BRD10: variants seen among roughly 807,000 people sequenced by gnomAD.
BRD10 encodes the protein uncharacterized bromodomain-containing protein 10.
chr9:5,903,133 T>G, the BRD10 span, among the ~76,000 whole-genome samples: 1 of 152,256 alleles, frequency 6.6e-6, no homozygotes, highest in East Asian at 1.9e-4. Context: ...TGGGAATTTT[T>G]CAGTTATCTT....
At chr9:5,944,778 C>T in the BRD10 span, 1 of 536,254 alleles carries the variant, frequency 1.9e-6, no homozygotes, top group South Asian at 3.7e-5. Context: ...TCATGTAATC[C>T]AGGAAAACAA....
the BRD10 span, among the ~76,000 whole-genome samples, chr9:5,888,317 CTG>C: frequency 1.3e-5 from 2 of 152,200 alleles, no homozygotes; most frequent in African/African-American, 4.8e-5. Flanking sequence ...GCAAAAGTAA[CTG>C]TGATTTTTGC....
At chr9:5,891,190 C>T in the BRD10 span, 1 of 152,180 alleles carries the variant, frequency 6.6e-6, no homozygotes, top group Non-Finnish European at 1.5e-5. Context: ...GGAGAAGCAG[C>T]CTCCCTGAGG....
the BRD10 span, among the ~76,000 whole-genome samples, chr9:5,892,191 C>G: frequency 6.6e-6 from 1 of 152,154 alleles, no homozygotes; most frequent in Non-Finnish European, 1.5e-5. Flanking sequence ...ACTCAACTTG[C>G]AAGTCTTTTT....
the BRD10 span, among the ~76,000 whole-genome samples, chr9:5,986,241 G>C: frequency 7.9e-5 from 12 of 152,154 alleles, no homozygotes; most frequent in African/African-American, 2.9e-4. Flanking sequence ...TTCTGTTCCT[G>C]TGTTAGTTTG....
chr9:5,903,159 G>A, the BRD10 span, among the ~76,000 whole-genome samples: 2 of 152,078 alleles, frequency 1.3e-5, no homozygotes, highest in African/African-American at 4.8e-5. Context: ...ATTGATTTCT[G>A]CTTTAATTCT....
chr9:5,934,346 T>C, the BRD10 span, among the ~76,000 whole-genome samples: 1 of 149,994 alleles, frequency 6.7e-6, no homozygotes, highest in Non-Finnish European at 1.5e-5. Flanking sequence ...AATATCAATA[T>C]ATTACGCTTT....
At chr9:5,951,639 G>A in the BRD10 span, among the ~76,000 whole-genome samples, 8 of 152,164 alleles carry the variant, frequency 5.3e-5, no homozygotes, top group Non-Finnish European at 1.2e-4. Context: ...GAACTTTTGG[G>A]CAGGGAATGA....
At chr9:5,920,086 A>T in the BRD10 span, 1 of 1,613,950 alleles carries the variant, frequency 6.2e-7, no homozygotes, top group Non-Finnish European at 8.5e-7. Context: ...TTGCATTCCC[A>T]AAAGAGTTTA....
the BRD10 span, among the ~76,000 whole-genome samples, chr9:5,958,392 T>C: frequency 1.3e-5 from 2 of 152,188 alleles, no homozygotes; most frequent in East Asian, 3.9e-4. Flanking sequence ...CCTTTCTCAG[T>C]TTCTTATTCC....
chr9:5,927,857 T>C, the BRD10 span, among the ~76,000 whole-genome samples: 4 of 151,784 alleles, frequency 2.6e-5, no homozygotes, highest in African/African-American at 7.2e-5. Flanking sequence ...TCTATGCTCA[T>C]ATACTAAGTG....
chr9:5,932,833 G>T, the BRD10 span, among the ~76,000 whole-genome samples: 5 of 152,100 alleles, frequency 3.3e-5, no homozygotes, highest in African/African-American at 1.2e-4. Flanking sequence ...AGATTATCTT[G>T]TGTAAGTACC....
At chr9:5,975,479 G>A in the BRD10 span, among the ~76,000 whole-genome samples, 13 of 147,084 alleles carry the variant, frequency 8.8e-5, no homozygotes, top group African/African-American at 3.3e-4. Flanking sequence ...TTAGCAATAA[G>A]GTCATTAAAG....
At chr9:5,945,271 T>A in the BRD10 span, among the ~76,000 whole-genome samples, 1 of 152,078 alleles carries the variant, frequency 6.6e-6, no homozygotes, top group Admixed American at 6.6e-5. Context: ...ATGACAAAGA[T>A]CTGGAAACTC....
the BRD10 span, among the ~76,000 whole-genome samples, chr9:5,952,605 A>G: frequency 6.6e-6 from 1 of 152,238 alleles, no homozygotes. Flanking sequence ...TACCACTGCA[A>G]TTTTAAAAAA....
chr9:5,880,113 G>A, the BRD10 span, among the ~76,000 whole-genome samples: 2 of 151,904 alleles, frequency 1.3e-5, no homozygotes, highest in African/African-American at 4.8e-5. Context: ...TAGAGACAGG[G>A]TTTCACCATG....
chr9:5,936,083 T>C, the BRD10 span, among the ~76,000 whole-genome samples: 2 of 152,212 alleles, frequency 1.3e-5, no homozygotes, highest in African/African-American at 4.8e-5. Flanking sequence ...TAGCCGGGCA[T>C]GGGGGCTTAT....
At chr9:5,915,915 TTAAAG>T in the BRD10 span, among the ~76,000 whole-genome samples, 101 of 152,342 alleles carry the variant, frequency 6.6e-4, no homozygotes, top group Middle Eastern at 0.01. Context: ...TGCATCATTC[TTAAAG>T]TAATTAAGAT....
At chr9:5,953,920 G>T in the BRD10 span, 1 of 721,496 alleles carries the variant, frequency 1.4e-6, no homozygotes, top group Non-Finnish European at 2.4e-6. Context: ...AAGTAAGTGT[G>T]CTACAGTTTC....
Sources: allele counts gnomAD v4.1 joint callset (sites outside exome capture counted in the v4.1 genomes callset), GRCh38; gene constraint gnomAD v4.1.1; transcripts MANE v1.5; gene names NCBI Gene and HGNC (gene_info 2026-07-23, HGNC 2026-07-21).